ACER3: variants seen among roughly 807,000 people sequenced by gnomAD.
ACER3 encodes the protein alkCDase 3.
Under a neutral mutation model 48.9 loss-of-function variants are expected in ACER3, and 16 were observed. The ratio of observed to expected loss-of-function variants is 0.33; its 90% CI spans 0.22 to 0.50. The LOEUF (loss-of-function observed/expected upper bound fraction) is 0.50, where lower values mean the gene tolerates loss of function less well. Among genes scored for constraint, ACER3 ranks in the 20% least tolerant of loss-of-function variants. The probability of loss-of-function intolerance (pLI) is 0.98; values close to 1 mark genes in which losing one functional copy is unlikely to be tolerated. For missense variants in ACER3, 227 were observed against 326.0 expected (o/e 0.70, Z 2.34); for synonymous variants, 109 against 107.8 (o/e 1.01, Z -0.07).
chr11:76,888,018 A>G (rs1188693378), intron 1 of ACER3, among the ~76,000 whole-genome samples: 1 of 151,842 alleles, frequency 6.6e-6, no homozygotes, highest in Non-Finnish European at 1.5e-5. Flanking sequence ...GGGTTTTGCC[A>G]TGTTGCCCAG....
At chr11:77,005,994 T>TATATATATATACGTATATATA (rs1272209642) in intron 7 of ACER3, among the ~76,000 whole-genome samples, 1 of 82,146 alleles carries the variant, frequency 1.2e-5, no homozygotes, top group Non-Finnish European at 2.5e-5. Flanking sequence ...TATATATATT[T>TATATATATATACGTATATATA]TTTTTTTTTT....
chr11:76,872,911 C>CTTTTTTTTTTTTTTTTTT (rs59654087), intron 1 of ACER3, among the ~76,000 whole-genome samples: 4 of 68,704 alleles, frequency 5.8e-5, no homozygotes, highest in Admixed American at 1.9e-4. Flanking sequence ...TTTTCTTTTT[C>CTTTTTTTTTTTTTTTTTT]TTTTTTTTTT....
intron 2 of ACER3, among the ~76,000 whole-genome samples, chr11:76,931,774 A>G (rs966229104): frequency 1.3e-5 from 2 of 151,986 alleles, no homozygotes; most frequent in African/African-American, 4.8e-5. Flanking sequence ...TCTTTCCTTT[A>G]AGAATGTTGA....
intron 2 of ACER3, among the ~76,000 whole-genome samples, chr11:76,932,543 A>C (rs747755559): frequency 4.3e-4 from 65 of 152,202 alleles, no homozygotes; most frequent in Non-Finnish European, 7.5e-4. Context: ...AAACATGGAC[A>C]GATCACAATC....
intron 9 of ACER3, among the ~76,000 whole-genome samples, chr11:77,019,231 C>G: frequency 6.6e-6 from 1 of 152,242 alleles, no homozygotes; most frequent in Middle Eastern, 3.4e-3. Flanking sequence ...GAGGCCGAGG[C>G]GGGTGGATCA....
chr11:76,947,803 C>T (rs10431181), intron 2 of ACER3, among the ~76,000 whole-genome samples: 86,858 of 152,038 alleles, frequency 0.57, 28,012 homozygotes, highest in Non-Finnish European at 0.74. Context: ...TGGTTAATAG[C>T]TCCAGTACTT....
chr11:76,941,323 G>A (rs1260891482), intron 2 of ACER3, among the ~76,000 whole-genome samples: 1 of 152,132 alleles, frequency 6.6e-6, no homozygotes, highest in Non-Finnish European at 1.5e-5. Context: ...TTCTGGTTTA[G>A]AGCATAGATC....
At chr11:76,999,011 A>G (rs1305930712) in intron 7 of ACER3, among the ~76,000 whole-genome samples, 190 bp downstream of exon 7, 3 of 152,170 alleles carry the variant, frequency 2.0e-5, no homozygotes, top group Non-Finnish European at 4.4e-5. Flanking sequence ...AATGGGCATC[A>G]TGTGAAAACT....
chr11:76,995,700 C>T (rs965155446), intron 6 of ACER3, among the ~76,000 whole-genome samples: 2 of 151,902 alleles, frequency 1.3e-5, no homozygotes, highest in African/African-American at 2.4e-5. Context: ...TCTATATAGT[C>T]GGAAGGAGAC....
At chr11:76,935,151 T>G (rs1245017086) in intron 2 of ACER3, among the ~76,000 whole-genome samples, 1 of 152,082 alleles carries the variant, frequency 6.6e-6, no homozygotes, top group South Asian at 2.1e-4. Flanking sequence ...GAATATTTAA[T>G]AGGGGCTGTT....
chr11:76,946,330 G>T (rs959747992), intron 2 of ACER3, among the ~76,000 whole-genome samples: 1 of 151,960 alleles, frequency 6.6e-6, no homozygotes, highest in African/African-American at 2.4e-5. Flanking sequence ...TAGGAAGGCA[G>T]CATGGGCAAG....
chr11:76,922,663 C>A (rs1375873268), intron 1 of ACER3, among the ~76,000 whole-genome samples: 1 of 152,106 alleles, frequency 6.6e-6, no homozygotes, highest in Non-Finnish European at 1.5e-5. Context: ...GCTAGCACAT[C>A]TAGTGAGAGG....
At chr11:76,932,551 A>G (rs948621118) in intron 2 of ACER3, among the ~76,000 whole-genome samples, 21 of 152,156 alleles carry the variant, frequency 1.4e-4, no homozygotes, top group African/African-American at 3.9e-4. Context: ...ACAGATCACA[A>G]TCTGTAACAA....
rs575045221 is a variant in ACER3 at position 77,025,412 on chromosome 11, T to TATATATATATA, written c.*5085_*5086insATATATATATA. On this transcript the variant is annotated 3_prime_UTR_variant, in exon 11 of 11. Transcript: ENST00000532485. ...ATTCTTTATATATATATATATATAT[T>TATATATATATA]TATTTATTTTTTTGAGACAGAGTCT... 115 of 69,234 alleles carry TATATATATATA rather than the reference T, an allele frequency of 1.7e-3. 1 individual carries two copies. The highest frequency in any genetic ancestry group is 4.6e-3 in the African/African-American group (107 of 23,460). The allele number at this position is 69,234 out of a possible 1,614,324, so 4.3% of individuals were successfully genotyped here.
intron 4 of ACER3, among the ~76,000 whole-genome samples, chr11:76,977,938 C>T (rs193230699): frequency 6.6e-5 from 10 of 152,332 alleles, no homozygotes; most frequent in Non-Finnish European, 1.0e-4. Flanking sequence ...TGGCCGAGCC[C>T]GGGTGCTGCC....
At chr11:77,000,697 C>G (rs1240331586) in intron 7 of ACER3, among the ~76,000 whole-genome samples, 5 of 152,294 alleles carry the variant, frequency 3.3e-5, no homozygotes, top group South Asian at 2.1e-4. Context: ...TGCCTTTGCA[C>G]TTTTGTCAAA....
chr11:76,927,925 G>A (rs1046505515), intron 2 of ACER3, among the ~76,000 whole-genome samples: 174 of 151,782 alleles, frequency 1.1e-3, no homozygotes, highest in Non-Finnish European at 1.9e-3. Flanking sequence ...AAACATACGT[G>A]TGCATGTGTC....
At chr11:76,980,933 G>A (rs1387597739) in intron 4 of ACER3, among the ~76,000 whole-genome samples, 1 of 152,176 alleles carries the variant, frequency 6.6e-6, no homozygotes, top group East Asian at 1.9e-4. Flanking sequence ...CACTGTGATA[G>A]GCTCTAGGAA....
intron 4 of ACER3, 30 bp from the exon 5 acceptor site, chr11:76,985,613 T>C (rs1948672029): frequency 1.4e-6 from 2 of 1,409,576 alleles, no homozygotes; most frequent in African/African-American, 1.5e-5. Context: ...ATATATTCTT[T>C]TAAAAGTTTC....
Sources: allele counts gnomAD v4.1 joint callset (sites outside exome capture counted in the v4.1 genomes callset), GRCh38; gene constraint gnomAD v4.1.1; transcripts MANE v1.5; gene names NCBI Gene and HGNC (gene_info 2026-07-23, HGNC 2026-07-21).